The following WSB2 variants were observed in gnomAD, a reference collection of about 807,000 sequenced individuals.
WSB2 encodes the protein WD repeat and SOCS box-containing protein 2.
WSB2 carries 12 observed loss-of-function variants against 48.8 expected under a neutral mutation model. That is an observed-to-expected ratio of 0.25 (90% CI 0.16 to 0.40). The LOEUF (loss-of-function observed/expected upper bound fraction) is 0.40. Among genes scored for constraint, WSB2 ranks in the 10% least tolerant of loss-of-function variants. The pLI is 1.00. For synonymous variants in WSB2, 191 were observed against 203.1 expected (o/e 0.94, Z 0.51); for missense variants, 317 against 506.2 (o/e 0.63, Z 3.59).
intron 6 of WSB2, chr12:118,035,822 C>A (rs1383928084): frequency 6.1e-6 from 1 of 164,062 alleles, no homozygotes; most frequent in East Asian, 1.8e-4. Context: ...AATGCTGATT[C>A]CGAAGAAGTA....
chr12:118,047,208 G>C (rs1001276497), intron 2 of WSB2, among the ~76,000 whole-genome samples: 2 of 151,946 alleles, frequency 1.3e-5, no homozygotes, highest in Non-Finnish European at 2.9e-5. Flanking sequence ...CATTTTATGG[G>C]TTATTAACTT....
At chr12:118,034,448 A>C in intron 8 of WSB2, 90 bp from the exon 9 acceptor site, 1 of 1,499,860 alleles carries the variant, frequency 6.7e-7, no homozygotes, top group Non-Finnish European at 9.1e-7. Context: ...TTTGACTGCA[A>C]AGAGCAGGAG....
chr12:118,059,274 G>A (rs2032019330), intron 1 of WSB2, among the ~76,000 whole-genome samples: 1 of 152,062 alleles, frequency 6.6e-6, no homozygotes, highest in African/African-American at 2.4e-5. Context: ...TAGACATGTT[G>A]TATTGAAAGA....
chr12:118,039,307 C>T (rs1184209742), intron 4 of WSB2, among the ~76,000 whole-genome samples: 1 of 152,130 alleles, frequency 6.6e-6, no homozygotes, highest in East Asian at 1.9e-4. Flanking sequence ...AATAAAAAAG[C>T]CCGTCCATAT....
chr12:118,058,538 G>C (rs1161997250), intron 1 of WSB2, among the ~76,000 whole-genome samples: 1 of 151,848 alleles, frequency 6.6e-6, no homozygotes, highest in Non-Finnish European at 1.5e-5. Flanking sequence ...TTTTTGCAGA[G>C]ATGGGGTTTT....
chr12:118,043,553 C>A (rs2031685220), intron 2 of WSB2, among the ~76,000 whole-genome samples, 176 bp from the exon 3 acceptor site: 1 of 152,154 alleles, frequency 6.6e-6, no homozygotes, highest in African/African-American at 2.4e-5. Context: ...AACTGATCCT[C>A]CTGCCTCAGA....
In WSB2 at chr12:118,035,309, G is replaced by C. The variant is rs371908533; in HGVS notation, c.849C>G (p.Asp283Glu). 25 of 1,614,028 alleles carry C rather than the reference G, an allele frequency of 1.5e-5. No individual in the cohort carries two copies. Among genetic ancestry groups the C allele is most frequent in the Non-Finnish European group, 1.6e-5 (19 of 1,180,048 alleles). The change falls in exon 7 of 9, where the codon GAC (aspartate) becomes GAG (glutamate). Residue 283 changes from aspartate (D) to glutamate (E), a missense_variant. Transcript: ENST00000315436. ...RLRSLHHTQV[D>E]PAMDDSDVHI... The stretch of plus-strand genomic sequence containing the variant: ...GGACGTCACTGTCATCCATGGCGGG[G>C]TCAACCTGGGTGTGGCTGGGAAGGA...
At chr12:118,058,700 C>CT (rs112415267) in intron 1 of WSB2, among the ~76,000 whole-genome samples, 25,630 of 140,060 alleles carry the variant, frequency 0.18, 2,306 homozygotes, top group African/African-American at 0.23. Context: ...TTTTCTTCTT[C>CT]TTTTTTTTTT....
chr12:118,046,613 G>C (rs1270664731), intron 2 of WSB2, among the ~76,000 whole-genome samples: 2 of 152,186 alleles, frequency 1.3e-5, no homozygotes, highest in Non-Finnish European at 2.9e-5. Flanking sequence ...AGACTGTCCA[G>C]ACCTGCCTGG....
In WSB2 at chr12:118,060,809, G is replaced by A. The variant is rs1366975890; in HGVS notation, c.13+227C>T. 6.6e-6 allele frequency among the ~76,000 whole-genome samples: 1 copy of A among 151,972 alleles called. No individual in the cohort carries two copies. The highest frequency in any genetic ancestry group is 2.4e-5 in the African/African-American group (1 of 41,390). ...GAAGCCCGATCTTCCCGATCCTGTCGCCGGCGGGAGTCAGGGTGGCGGCCA... is the reference window on the plus strand; with the variant it reads ...GAAGCCCGATCTTCCCGATCCTGTCACCGGCGGGAGTCAGGGTGGCGGCCA... On this transcript the variant is annotated intron_variant, in intron 1 of 8. Coordinates refer to ENST00000315436, the MANE Select transcript of WSB2 (RefSeq NM_018639.5). The surrounding 1 kb of genome is among the most constrained non-coding windows in gnomAD (Gnocchi z 4.1).
intron 1 of WSB2, 167 bp from the exon 2 acceptor site, chr12:118,052,645 C>T (rs1737953698): frequency 2.0e-6 from 2 of 988,928 alleles, no homozygotes; most frequent in South Asian, 3.2e-5. Flanking sequence ...GGCCACATTC[C>T]ACCACGGTTA....
At chr12:118,056,733 T>A (rs911057787) in intron 1 of WSB2, among the ~76,000 whole-genome samples, 1 of 152,042 alleles carries the variant, frequency 6.6e-6, no homozygotes, top group Admixed American at 6.6e-5. Flanking sequence ...AAACCCCGTC[T>A]CTACTTAAAA....
chr12:118,034,734 T>C lies in WSB2; in HGVS notation c.1052+252A>G, dbSNP rs115684937. The C allele has an allele frequency of 2.1e-3, 1,104 of 537,792 alleles. 9 individuals carry two copies. The highest frequency in any genetic ancestry group is 0.019 in the African/African-American group (1,002 of 52,852). The allele number at this position is 537,792 out of a possible 1,614,324, so 33.3% of individuals were successfully genotyped here. On this transcript the variant is annotated intron_variant, in intron 8 of 8. Coordinates refer to ENST00000315436, the MANE Select transcript of WSB2 (RefSeq NM_018639.5). ...CCCATATATTATGCATCATCTCAAT[T>C]TTATTCTCCCTTGTGAACTTGGCCC...
chr12:118,039,379 G>C (rs551306551), intron 4 of WSB2, among the ~76,000 whole-genome samples: 39 of 152,304 alleles, frequency 2.6e-4, no homozygotes, highest in Admixed American at 1.8e-3. Flanking sequence ...ATTAGAGAGA[G>C]ATTTTCCATG....
intron 2 of WSB2, among the ~76,000 whole-genome samples, chr12:118,044,154 A>G (rs2031699666): frequency 6.6e-6 from 1 of 152,092 alleles, no homozygotes; most frequent in African/African-American, 2.4e-5. Flanking sequence ...CACAGGCTAT[A>G]CTGGCCATGG....
rs1329071636 is a variant in WSB2, at chr12:118,060,819, G to A, written c.13+217C>T. 1.3e-5 allele frequency among the ~76,000 whole-genome samples: 2 copies of A among 152,000 alleles called. No homozygotes were observed. The highest frequency in any genetic ancestry group is 3.9e-4 in the East Asian group (2 of 5,164). ...CTTCCCGATCCTGTCGCCGGCGGGA[G>A]TCAGGGTGGCGGCCACTGACAACGA... On this transcript the variant is annotated intron_variant, in intron 1 of 8. Transcript: ENST00000315436. This position sits in a 1 kb window ranked among gnomAD's most constrained non-coding sequence, Gnocchi z 4.1.
intron 1 of WSB2, among the ~76,000 whole-genome samples, chr12:118,054,217 C>CAA (rs61421772): frequency 0.15 from 8,186 of 55,994 alleles, 802 homozygotes; most frequent in African/African-American, 0.31. Flanking sequence ...ACTAAAAATC[C>CAA]AAAAAAAAAA....
rs1055166495 is a variant in WSB2, at chr12:118,060,050, T to C, written c.13+986A>G. Among the ~76,000 whole-genome samples, 3 of 152,206 alleles carry C rather than the reference T, an allele frequency of 2.0e-5. No homozygotes were observed. Among genetic ancestry groups the C allele is most frequent in the Non-Finnish European group, 4.4e-5 (3 of 68,036 alleles). On this transcript the variant is annotated intron_variant, in intron 1 of 8. Transcript: ENST00000315436. This position sits in a 1 kb window ranked among gnomAD's most constrained non-coding sequence, Gnocchi z 4.1. Reference sequence around the variant, plus strand: ...AATTCTGAGCCCTAGGCCTTGAACCTGCTCTGAAAATTTCTCCTAAGGAAA... The same window carrying C: ...AATTCTGAGCCCTAGGCCTTGAACCCGCTCTGAAAATTTCTCCTAAGGAAA...
rs1566138587 is a variant in WSB2 at position 118,043,299 on chromosome 12, C to CAA, written c.260_261insTT (p.Leu88CysfsTer61). 1 of 1,613,528 alleles carries CAA rather than the reference C, an allele frequency of 6.2e-7. No individual in the cohort carries two copies. Among genetic ancestry groups the CAA allele is most frequent in the Non-Finnish European group, 8.5e-7 (1 of 1,179,666 alleles). ...CCCAGACAATCTGACCACAGTCCAG[C>CAA]GTCTTCTCTTTTGGGCTGCCCCGCC... On this transcript the variant is annotated frameshift_variant, in exon 3 of 9. Transcript: ENST00000315436. LOFTEE classifies it high-confidence loss of function.
Sources: gnomAD v4.1 joint callset for allele counts (sites outside exome capture counted in the v4.1 genomes callset) on GRCh38, gnomAD v4.1.1 for gene constraint, Gnocchi (gnomAD v3.1) non-coding constraint, MANE v1.5 for transcripts, NCBI Gene and HGNC (gene_info 2026-07-23, HGNC 2026-07-21) for gene names.